The following NMT2 variants were observed in gnomAD, a reference collection of about 807,000 sequenced individuals.
NMT2 encodes the protein glycylpeptide N-tetradecanoyltransferase 2.
NMT2 carries 35 observed loss-of-function variants against 65.4 expected under a neutral mutation model. The ratio of observed to expected loss-of-function variants is 0.54; its 90% confidence interval spans 0.41 to 0.71. NMT2 has a LOEUF of 0.71. NMT2 is among the 30% of genes least tolerant of loss of function. NMT2 has a pLI of 0.00. For missense variants in NMT2, 489 were observed against 611.3 expected (o/e 0.80, Z 2.11); for synonymous variants, 226 against 231.8 (o/e 0.98, Z 0.23).
At chr10:15,122,037 A>G (rs1845945551) in intron 8 of NMT2, among the ~76,000 whole-genome samples, 1 of 152,340 alleles carries the variant, frequency 6.6e-6, no homozygotes, top group African/African-American at 2.4e-5. Flanking sequence ...TCTAAATGCT[A>G]GTGGGAAGAC....
chr10:15,159,616 TG>T (rs899668604), intron 1 of NMT2, among the ~76,000 whole-genome samples: 1 of 152,132 alleles, frequency 6.6e-6, no homozygotes, highest in Non-Finnish European at 1.5e-5. Context: ...TCAGTAGAGA[TG>T]GGGTTTCACC....
At chr10:15,160,243 T>C (rs1283992136) in intron 1 of NMT2, among the ~76,000 whole-genome samples, 3 of 152,080 alleles carry the variant, frequency 2.0e-5, no homozygotes, top group Non-Finnish European at 4.4e-5. Flanking sequence ...CTGTGCACAA[T>C]AGCTGGATTT....
chr10:15,165,094 T>C (rs7919963), intron 1 of NMT2, among the ~76,000 whole-genome samples: 28,551 of 148,944 alleles, frequency 0.19, 3,523 homozygotes, highest in African/African-American at 0.36. Context: ...ACCCGGGAGG[T>C]GGAGGTTGCA....
Position 15,108,886 on chromosome 10 carries a change from C to T in NMT2, c.*309G>A. 1 of 1,131,532 alleles carries T rather than the reference C, an allele frequency of 8.8e-7. No individual in the cohort carries two copies. The highest frequency in any genetic ancestry group is 1.1e-6 in the Non-Finnish European group (1 of 924,092). 70.1% of individuals were successfully genotyped at this position (1,131,532 alleles called of 1,614,324 possible). A position where few individuals can be genotyped will look rare whatever the true frequency, so the allele number is the denominator to read the frequency against. On this transcript the variant is annotated 3_prime_UTR_variant, in exon 12 of 12. Coordinates refer to ENST00000378165, the MANE Select transcript of NMT2 (RefSeq NM_004808.3). ...AACTTCTACTTAGTCCATAGAAAAACAGTCCCTTTTCTAAGGGTGAAAAAA... is the reference window on the plus strand; with the variant it reads ...AACTTCTACTTAGTCCATAGAAAAATAGTCCCTTTTCTAAGGGTGAAAAAA...
intron 9 of NMT2, among the ~76,000 whole-genome samples, chr10:15,118,569 A>G (rs955326573): frequency 6.6e-6 from 1 of 151,194 alleles, no homozygotes; most frequent in African/African-American, 2.4e-5. Context: ...CCTTTCATAA[A>G]TCAGTAAGAC....
intron 1 of NMT2, among the ~76,000 whole-genome samples, chr10:15,152,621 G>A (rs1006361734): frequency 5.9e-5 from 9 of 152,228 alleles, no homozygotes; most frequent in African/African-American, 2.2e-4. Flanking sequence ...TGTTATCCCT[G>A]AGGATGGGGC....
chr10:15,112,174 T>TCATATATATATA (rs1845541889), intron 10 of NMT2, among the ~76,000 whole-genome samples: 2 of 28,874 alleles, frequency 6.9e-5, no homozygotes, highest in Non-Finnish European at 1.3e-4. Flanking sequence ...GATATGGGCT[T>TCATATATATATA]TATATATATA....
intron 2 of NMT2, among the ~76,000 whole-genome samples, chr10:15,135,776 G>GA (rs1449318736): frequency 7.3e-6 from 1 of 136,492 alleles, no homozygotes; most frequent in African/African-American, 2.7e-5. Context: ...CACGAGCCTT[G>GA]GGTGGGGGGC....
chr10:15,142,030 G>A (rs1344618574), intron 1 of NMT2, among the ~76,000 whole-genome samples: 1 of 152,138 alleles, frequency 6.6e-6, no homozygotes, highest in African/African-American at 2.4e-5. Flanking sequence ...TACTAGGGGG[G>A]CTAACAATGA....
In NMT2 at chr10:15,108,380, T is replaced by C; in HGVS notation, c.*815A>G. The C allele has an allele frequency of 1.9e-6, 1 of 517,820 alleles. No homozygotes were observed. The highest frequency in any genetic ancestry group is 2.5e-6 in the Non-Finnish European group (1 of 403,426). 32.1% of individuals were successfully genotyped at this position (517,820 alleles called of 1,614,324 possible). A position where few individuals can be genotyped will look rare whatever the true frequency, so the allele number is the denominator to read the frequency against. On this transcript the variant is annotated 3_prime_UTR_variant, in exon 12 of 12. Transcript: ENST00000378165. The stretch of plus-strand genomic sequence containing the variant: ...TTTTGTATTTTTAGTAGAGATGGGG[T>C]TTCACTATGTTGGCCAGAATGGTCT...
intron 8 of NMT2, among the ~76,000 whole-genome samples, chr10:15,125,817 C>T (rs987906105): frequency 2.0e-5 from 3 of 152,094 alleles, no homozygotes; most frequent in African/African-American, 7.2e-5. Flanking sequence ...CAGCCATGTG[C>T]CACCATCCAC....
intron 2 of NMT2, among the ~76,000 whole-genome samples, chr10:15,140,696 T>C (rs1234026123): frequency 6.6e-6 from 1 of 152,102 alleles, no homozygotes; most frequent in East Asian, 1.9e-4. Flanking sequence ...TCTACCCTTT[T>C]CACTGTGAGT....
intron 10 of NMT2, among the ~76,000 whole-genome samples, chr10:15,110,343 GGT>G (rs1291639638): frequency 1.3e-5 from 2 of 151,462 alleles, no homozygotes; most frequent in African/African-American, 4.9e-5. Context: ...GGCTGGATGT[GGT>G]GGCTCACGCC....
At chr10:15,134,728 C>T (rs993253105) in intron 3 of NMT2, among the ~76,000 whole-genome samples, 5 of 152,150 alleles carry the variant, frequency 3.3e-5, no homozygotes, top group Non-Finnish European at 5.9e-5. Context: ...ACACCTGTAA[C>T]CCAGCACTTT....
At chr10:15,141,185 GA>G in intron 2 of NMT2, 1 of 826,760 alleles carries the variant, frequency 1.2e-6, no homozygotes. Context: ...AATTCACTGA[GA>G]AAAGGGAAAA....
chr10:15,114,458 A>G (rs908186125), intron 9 of NMT2, among the ~76,000 whole-genome samples: 1 of 152,202 alleles, frequency 6.6e-6, no homozygotes, highest in Non-Finnish European at 1.5e-5. Flanking sequence ...AAAACAAAAC[A>G]AAACAAAACA....
chr10:15,162,530 C>A (rs1833233679), intron 1 of NMT2, among the ~76,000 whole-genome samples: 1 of 151,770 alleles, frequency 6.6e-6, no homozygotes, highest in Non-Finnish European at 1.5e-5. Context: ...TTGATGACTG[C>A]CCAACTGGAT....
intron 10 of NMT2, chr10:15,111,882 C>G (rs1007971093): frequency 1.4e-4 from 21 of 151,720 alleles, no homozygotes; most frequent in African/African-American, 4.8e-4. Flanking sequence ...GGTGCAATCT[C>G]GGCTCACTGC....
chr10:15,121,208 A>G (rs1026611118), intron 8 of NMT2, among the ~76,000 whole-genome samples: 1 of 152,198 alleles, frequency 6.6e-6, no homozygotes, highest in Admixed American at 6.5e-5. Context: ...ATCTGTATAT[A>G]AATATTGCTA....
Sources: allele counts gnomAD v4.1 joint callset (sites outside exome capture counted in the v4.1 genomes callset), GRCh38; gene constraint gnomAD v4.1.1; transcripts MANE v1.5; gene names NCBI Gene and HGNC (gene_info 2026-07-23, HGNC 2026-07-21).